Variants in CLSTN1 observed in about 807,000 individuals in gnomAD.
CLSTN1 encodes the protein calsyntenin 1, also known as calsyntenin-1.
In CLSTN1, 28 loss-of-function variants were observed where a neutral mutation model predicts 108.3. That is an observed-to-expected ratio of 0.26 (90% confidence interval 0.19 to 0.35). The LOEUF (loss-of-function observed/expected upper bound fraction) is 0.35, where lower values mean the gene tolerates loss of function less well. Ranked by LOEUF, CLSTN1 falls within the 10% of genes least tolerant of loss-of-function variation. The probability of loss-of-function intolerance (pLI) is 1.00; values close to 1 mark genes in which losing one functional copy is unlikely to be tolerated. For synonymous variants in CLSTN1, 524 were observed against 534.9 expected (o/e 0.98, Z 0.28); for missense variants, 1,157 against 1,302.6 (o/e 0.89, Z 1.72).
chr1:9,800,661 C>T (rs1261882228), intron 1 of CLSTN1, among the ~76,000 whole-genome samples: 7 of 149,642 alleles, frequency 4.7e-5, no homozygotes, highest in Non-Finnish European at 1.0e-4. Flanking sequence ...ACCCAGGAAG[C>T]GGACCTTGCA....
intron 2 of CLSTN1, among the ~76,000 whole-genome samples, chr1:9,769,251 ACC>A (rs1652548931): frequency 6.6e-6 from 1 of 151,556 alleles, no homozygotes; most frequent in Non-Finnish European, 1.5e-5. Context: ...CCAGCAGAGG[ACC>A]CCACGCTTCA....
intron 1 of CLSTN1, among the ~76,000 whole-genome samples, chr1:9,788,672 C>G (rs1653610756): frequency 6.6e-6 from 1 of 151,104 alleles, no homozygotes; most frequent in African/African-American, 2.4e-5. Context: ...TCGAGACCAT[C>G]CTGGCTAACA....
Position 9,730,690 on chromosome 1 carries a change from GCTGGTC to G in CLSTN1, c.2758_2763del (p.Asp920_Gln921del). ...TCTTCCTCCTCCTCCTCACTGCTGTGCTGGTCCTCATAGGTCTGGCAAGGAGAAGTG... is the reference window on the plus strand; with the variant it reads ...TCTTCCTCCTCCTCCTCACTGCTGTGCTCATAGGTCTGGCAAGGAGAAGTG... On this transcript the variant is annotated inframe_deletion, in exon 19 of 19. Transcript: ENST00000377298. This position sits in a 1 kb window ranked among gnomAD's most constrained non-coding sequence, Gnocchi z 5.6. The G allele has an allele frequency of 6.2e-7, 1 of 1,606,306 alleles. No homozygotes were observed. Among genetic ancestry groups the G allele is most frequent in the Non-Finnish European group, 8.5e-7 (1 of 1,178,518 alleles).
intron 11 of CLSTN1, among the ~76,000 whole-genome samples, chr1:9,737,238 G>A (rs1650741119): frequency 7.9e-6 from 1 of 126,646 alleles, no homozygotes; most frequent in Non-Finnish European, 1.6e-5. Flanking sequence ...CTCATGCAGT[G>A]GGGTCAGGGT....
chr1:9,753,427 C>T (rs1651654573), intron 4 of CLSTN1, among the ~76,000 whole-genome samples: 1 of 152,072 alleles, frequency 6.6e-6, no homozygotes, highest in Non-Finnish European at 1.5e-5. Context: ...TCCTAACTGG[C>T]AGGAGGTGCA....
Position 9,751,556 on chromosome 1 carries a change from T to C in CLSTN1, c.566A>G (p.Asp189Gly). 6.2e-7 allele frequency: 1 copy of C among 1,614,172 alleles called. No individual in the cohort carries two copies. Among genetic ancestry groups the C allele is most frequent in the Non-Finnish European group, 8.5e-7 (1 of 1,180,028 alleles). ...GCTGAACTGAGGGGAGCAGTCGGCA[T>C]CCACGGCCTCCACCCTCAAAATGCT... is the stretch of plus-strand genomic sequence containing the variant. ...YDSILRVEAV[D>G]ADCSPQFSQI... is the part of the protein sequence containing the mutation. Residue 189 changes from aspartate (D) to glycine (G), a missense_variant, in exon 5 of 19, where the codon GAT becomes GGT. Coordinates refer to ENST00000377298, the MANE Select transcript of CLSTN1 (RefSeq NM_001009566.3).
rs1570537468 is a variant in CLSTN1 at position 9,823,965 on chromosome 1, T to G, written c.-232A>C. On this transcript the variant is annotated 5_prime_UTR_variant, in exon 1 of 19. Coordinates refer to ENST00000377298, the MANE Select transcript of CLSTN1 (RefSeq NM_001009566.3). The surrounding 1 kb of genome is among the most constrained non-coding windows in gnomAD (Gnocchi z 6.3). ...CTGAAGGCAGCGGCAGCAACTAAGA[T>G]GGCGGCGGCGCTCTCTCTCGGGTCC... 7.0e-6 allele frequency: 1 copy of G among 142,192 alleles called. No homozygotes were observed. The highest frequency in any genetic ancestry group is 1.5e-5 in the Non-Finnish European group (1 of 66,378). 8.8% of individuals were successfully genotyped at this position (142,192 alleles called of 1,614,324 possible).
chr1:9,747,174 C>G (rs1306791498), intron 7 of CLSTN1, among the ~76,000 whole-genome samples: 6 of 84,298 alleles, frequency 7.1e-5, no homozygotes, highest in Non-Finnish European at 1.0e-4. Flanking sequence ...GGGAGACTGT[C>G]TCAAAAAAAA....
chr1:9,781,407 C>T (rs1358897588), intron 1 of CLSTN1, among the ~76,000 whole-genome samples: 2 of 150,628 alleles, frequency 1.3e-5, no homozygotes, highest in Admixed American at 6.6e-5. Flanking sequence ...AAGTGGCTTA[C>T]AGACAGAACT....
intron 1 of CLSTN1, among the ~76,000 whole-genome samples, chr1:9,774,968 A>C (rs1652865949): frequency 6.6e-6 from 1 of 152,128 alleles, no homozygotes; most frequent in Admixed American, 6.6e-5. Context: ...TAACTTCCTC[A>C]CGTTGCCATG....
At chr1:9,775,059 C>A (rs985895830) in intron 1 of CLSTN1, among the ~76,000 whole-genome samples, 1 of 152,094 alleles carries the variant, frequency 6.6e-6, no homozygotes, top group African/African-American at 2.4e-5. Context: ...GCAGTGAGGA[C>A]GACCAGAAGT....
At chr1:9,790,983 T>G (rs1339417988) in intron 1 of CLSTN1, among the ~76,000 whole-genome samples, 1 of 150,746 alleles carries the variant, frequency 6.6e-6, no homozygotes, top group East Asian at 2.0e-4. Flanking sequence ...AATACAAAAA[T>G]TAGCCAGGCG....
At position 9,734,085 on chromosome 1, in the gene CLSTN1, G is replaced by A. The variant is rs539065478; in HGVS notation, c.2168C>T (p.Thr723Met). 6.2e-6 allele frequency: 10 copies of A among 1,614,006 alleles called. No individual in the cohort carries two copies. Among genetic ancestry groups the A allele is most frequent in the African/African-American group, 2.7e-5 (2 of 74,930 alleles). Reference sequence around the variant, plus strand: ...GTGGTTCAGCTCCTCTCCCTCCACCGTGACCTCACAGGTATCCAGGTCGTG... The same window carrying A: ...GTGGTTCAGCTCCTCTCCCTCCACCATGACCTCACAGGTATCCAGGTCGTG... ...IVHDLDTCEV[T>M]VEGEELNHEQ... The change falls in exon 15 of 19, where the codon ACG becomes ATG. Residue 723 changes from threonine (T) to methionine (M), a missense_variant. Physicochemically the swap from Thr to Met is moderately conservative, Grantham distance 81. Coordinates refer to ENST00000377298, the MANE Select transcript of CLSTN1 (RefSeq NM_001009566.3). The surrounding 1 kb of genome is among the most constrained non-coding windows in gnomAD (Gnocchi z 4.8).
At chr1:9,760,507 G>A (rs1291740945) in intron 2 of CLSTN1, among the ~76,000 whole-genome samples, 1 of 151,966 alleles carries the variant, frequency 6.6e-6, no homozygotes, top group Admixed American at 6.6e-5. Context: ...GCAAGACAGG[G>A]GCTACCACAG....
intron 1 of CLSTN1, among the ~76,000 whole-genome samples, chr1:9,785,988 C>A (rs976671670): frequency 6.6e-6 from 1 of 151,764 alleles, no homozygotes; most frequent in African/African-American, 2.4e-5. Context: ...CCAGCCTGGG[C>A]AAAATGATAA....
chr1:9,818,211 T>C lies in CLSTN1; in HGVS notation c.91+5432A>G, dbSNP rs140701020. ...TTTTAGTAGAGATGGGGTTTCACCA[T>C]GTTGCACAGGCTGGTCTCGAACTCC... On this transcript the variant is annotated intron_variant, in intron 1 of 18. Transcript: ENST00000377298. 2.5e-3 allele frequency among the ~76,000 whole-genome samples: 373 copies of C among 151,648 alleles called. 3 individuals are homozygous for C. The highest frequency in any genetic ancestry group is 8.6e-3 in the African/African-American group (356 of 41,336).
chr1:9,753,486 G>A (rs953939106), intron 4 of CLSTN1, among the ~76,000 whole-genome samples: 6 of 151,808 alleles, frequency 4.0e-5, no homozygotes, highest in African/African-American at 1.2e-4. Flanking sequence ...TCCACCAGCA[G>A]TGACTAATTT....
chr1:9,742,745 T>C (rs1287933857), intron 9 of CLSTN1, among the ~76,000 whole-genome samples: 1 of 152,158 alleles, frequency 6.6e-6, no homozygotes, highest in Non-Finnish European at 1.5e-5. Flanking sequence ...CCATCTCTAC[T>C]AAAAATACAA....
chr1:9,736,818 A>G (rs936813551), intron 11 of CLSTN1, among the ~76,000 whole-genome samples: 4 of 152,184 alleles, frequency 2.6e-5, no homozygotes, highest in African/African-American at 9.6e-5. Context: ...TCACGCCTGT[A>G]ATCCCAGCGC....
Sources: allele counts gnomAD v4.1 joint callset (sites outside exome capture counted in the v4.1 genomes callset), GRCh38; gene constraint gnomAD v4.1.1; non-coding constraint Gnocchi (gnomAD v3.1); transcripts MANE v1.5; gene names NCBI Gene and HGNC (gene_info 2026-07-23, HGNC 2026-07-21).